PNPO: variants seen among roughly 807,000 people sequenced by gnomAD.
The protein encoded by PNPO is pyridoxamine 5'-phosphate oxidase.
In PNPO, 39 loss-of-function variants were observed where a neutral mutation model predicts 35.0. The ratio of observed to expected loss-of-function variants is 1.11; its 90% CI spans 0.86 to 1.45. The LOEUF (loss-of-function observed/expected upper bound fraction) is 1.45. Ranked by LOEUF, PNPO falls within the 40% of genes most tolerant of loss-of-function variation. PNPO has a pLI of 0.00. For synonymous variants in PNPO, 115 were observed against 119.8 expected (o/e 0.96, Z 0.26); for missense variants, 288 against 340.0 (o/e 0.85, Z 1.20).
In PNPO at chr17:47,945,310, C is replaced by T. The variant is rs1362588278; in HGVS notation, c.364-249C>T. 3 of 520,662 alleles carry T rather than the reference C, an allele frequency of 5.8e-6. No individual in the cohort carries two copies. The highest frequency in any genetic ancestry group is 1.9e-5 in the African/African-American group (1 of 51,972). 32.3% of individuals were successfully genotyped at this position (520,662 alleles called of 1,614,324 possible). ...ACAAATCTGTGGGTGAGAGAAATCACCCAGTCTCACTTTGGAGTCCGACTG... is the reference window on the plus strand; with the variant it reads ...ACAAATCTGTGGGTGAGAGAAATCATCCAGTCTCACTTTGGAGTCCGACTG... On this transcript the variant is annotated intron_variant, in intron 3 of 6. Coordinates refer to ENST00000642017, the MANE Select transcript of PNPO (RefSeq NM_018129.4). The surrounding 1 kb of genome is among the most constrained non-coding windows in gnomAD (Gnocchi z 4.0).
Position 47,945,756 on chromosome 17 carries a change from C to G in PNPO, c.418-105C>G. On this transcript the variant is annotated intron_variant, in intron 4 of 6. Coordinates refer to ENST00000642017, the MANE Select transcript of PNPO (RefSeq NM_018129.4). The surrounding 1 kb of genome is among the most constrained non-coding windows in gnomAD (Gnocchi z 4.0). ...TAAAATAGCCCTCAGTTAGTTGGAG[C>G]CAAGAGTGGTGGGGCAGCCGATCGA... 6.6e-7 allele frequency: 1 copy of G among 1,509,596 alleles called. No individual in the cohort carries two copies. The highest frequency in any genetic ancestry group is 9.1e-7 in the Non-Finnish European group (1 of 1,095,344). 93.5% of individuals were successfully genotyped at this position (1,509,596 alleles called of 1,614,324 possible). A position where few individuals can be genotyped will look rare whatever the true frequency, so the allele number is the denominator to read the frequency against.
Position 47,945,991 on chromosome 17 carries a change from T to G in PNPO, c.546+2T>G. 1 of 1,613,480 alleles carries G rather than the reference T, an allele frequency of 6.2e-7. No individual in the cohort carries two copies. Among genetic ancestry groups the G allele is most frequent in the Non-Finnish European group, 8.5e-7 (1 of 1,179,974 alleles). On this transcript the variant is annotated splice_donor_variant, in intron 5 of 6. Transcript: ENST00000642017. LOFTEE classifies it high-confidence loss of function. The surrounding 1 kb of genome is among the most constrained non-coding windows in gnomAD (Gnocchi z 4.0). ...AGTTCTGTGATCCCTGATCGGGAGGTGAGTGGAGCTCCGCTGTAGTCCTCC... is the reference window on the plus strand; with the variant it reads ...AGTTCTGTGATCCCTGATCGGGAGGGGAGTGGAGCTCCGCTGTAGTCCTCC...
At chr17:47,943,579 C>G in intron 2 of PNPO, 149 bp downstream of exon 2, 1 of 949,562 alleles carries the variant, frequency 1.1e-6, no homozygotes, top group Non-Finnish European at 1.6e-6. Flanking sequence ...CTCTCTGGGC[C>G]TGTGTCCTTA....
chr17:47,946,231 C>T (rs2036006786), intron 5 of PNPO, 92 bp from the exon 6 acceptor site: 2 of 1,117,550 alleles, frequency 1.8e-6, no homozygotes, highest in Admixed American at 3.4e-5. Flanking sequence ...CTGCTCTGCT[C>T]ACCCATGTCC....
intron 2 of PNPO, 35 bp downstream of exon 2, chr17:47,943,465 A>G: frequency 6.2e-7 from 1 of 1,610,824 alleles, no homozygotes; most frequent in African/African-American, 1.3e-5. Flanking sequence ...TTGGGTGGAT[A>G]CATATGAACT....
At chr17:47,942,023 T>G (rs1246252497) in intron 1 of PNPO, 3 of 1,335,118 alleles carry the variant, frequency 2.2e-6, no homozygotes, top group Admixed American at 3.3e-5. Context: ...CAAATGAAGA[T>G]GGGTTCAAAA....
chr17:47,948,488 A>T lies in PNPO; in HGVS notation c.*1706A>T, dbSNP rs2036037247. On this transcript the variant is annotated 3_prime_UTR_variant, in exon 7 of 7. Coordinates refer to ENST00000642017, the MANE Select transcript of PNPO (RefSeq NM_018129.4). ...TATGAATGCAGCCTGGGCACTGGGA[A>T]ATTTAAAAACTCCCCAGATAATTCT... is the stretch of plus-strand genomic sequence containing the variant. 1 of 152,192 alleles carries T rather than the reference A, an allele frequency of 6.6e-6. No individual in the cohort carries two copies. The highest frequency in any genetic ancestry group is 1.5e-5 in the Non-Finnish European group (1 of 68,044). The allele number at this position is 152,192 out of a possible 1,614,324, so 9.4% of individuals were successfully genotyped here.
Position 47,941,708 on chromosome 17 carries a change from G to A in PNPO, c.33G>A (p.Thr11=). 1 of 1,542,436 alleles carries A rather than the reference G, an allele frequency of 6.5e-7. No homozygotes were observed. The highest frequency in any genetic ancestry group is 1.2e-5 in the South Asian group (1 of 83,808). Residue 11 remains threonine (T), a synonymous_variant, in exon 1 of 7, where the codon ACG becomes ACA. Coordinates refer to ENST00000642017, the MANE Select transcript of PNPO (RefSeq NM_018129.4). The part of the protein sequence containing the change: MTCWLRGVTA[T]FGRPAEWPGY... ...GCTGGCTGCGGGGCGTCACGGCGAC[G>A]TTCGGGCGACCTGCCGAGTGGCCAG...
Position 47,946,819 on chromosome 17 carries a change from A to G in PNPO, c.*37A>G. 6.3e-7 allele frequency: 1 copy of G among 1,599,928 alleles called. No homozygotes were observed. Among genetic ancestry groups the G allele is most frequent in the Admixed American group, 1.7e-5 (1 of 59,994 alleles). On this transcript the variant is annotated 3_prime_UTR_variant, in exon 7 of 7. Coordinates refer to ENST00000642017, the MANE Select transcript of PNPO (RefSeq NM_018129.4). Reference sequence around the variant, plus strand: ...GCTGGCCCAGAGTGGAGCTAGGGCTAGGTGTCAAGAGAGGGTGTGGGATTG... The same window carrying G: ...GCTGGCCCAGAGTGGAGCTAGGGCTGGGTGTCAAGAGAGGGTGTGGGATTG...
Position 47,946,803 on chromosome 17 carries a change from G to A in PNPO, c.*21G>A, listed in dbSNP as rs2036017575. ...CTTAACTCTGGGACCTGCTGGCCCA[G>A]AGTGGAGCTAGGGCTAGGTGTCAAG... On this transcript the variant is annotated 3_prime_UTR_variant, in exon 7 of 7. Coordinates refer to ENST00000642017, the MANE Select transcript of PNPO (RefSeq NM_018129.4). The A allele has an allele frequency of 6.2e-7, 1 of 1,612,350 alleles. No homozygotes were observed. Among genetic ancestry groups the A allele is most frequent in the Non-Finnish European group, 8.5e-7 (1 of 1,179,056 alleles).
intron 5 of PNPO, 153 bp from the exon 6 acceptor site, chr17:47,946,170 C>A: frequency 1.0e-6 from 1 of 1,002,610 alleles, no homozygotes; most frequent in Non-Finnish European, 1.5e-6. Flanking sequence ...AATAGGCCTC[C>A]TCTGTCCATC....
In PNPO at chr17:47,948,790, A is replaced by G. The variant is rs1986693; in HGVS notation, c.*2008A>G. On this transcript the variant is annotated 3_prime_UTR_variant, in exon 7 of 7. Transcript: ENST00000642017. The stretch of plus-strand genomic sequence containing the variant: ...TGTTCTCCTTGAGCACATGCCCGCT[A>G]ACCAGGGACAGACTGGATGAGCAAG... The G allele has an allele frequency of 0.76, 115,252 of 152,200 alleles. 44,477 individuals are homozygous for G. The highest frequency in any genetic ancestry group is 1 in the East Asian group (5,170 of 5,186). 9.4% of individuals were successfully genotyped at this position (152,200 alleles called of 1,614,324 possible).
chr17:47,946,453 C>A, intron 6 of PNPO, 60 bp downstream of exon 6: 1 of 1,429,524 alleles, frequency 7.0e-7, no homozygotes, highest in Non-Finnish European at 9.9e-7. Context: ...TTACTTGAAG[C>A]CACCTGCCTG....
Position 47,945,357 on chromosome 17 carries a change from T to C in PNPO, c.364-202T>C, listed in dbSNP as rs1407079234. On this transcript the variant is annotated intron_variant, in intron 3 of 6. Coordinates refer to ENST00000642017, the MANE Select transcript of PNPO (RefSeq NM_018129.4). The surrounding 1 kb of genome is among the most constrained non-coding windows in gnomAD (Gnocchi z 4.0). ...ACTGGCTTAAACTTAGCTCCACCACTTCCTGCAGGAACTTGGGCACGTGAC... is the reference window on the plus strand; with the variant it reads ...ACTGGCTTAAACTTAGCTCCACCACCTCCTGCAGGAACTTGGGCACGTGAC... The C allele has an allele frequency of 1.7e-6, 1 of 593,562 alleles. No homozygotes were observed. The highest frequency in any genetic ancestry group is 1.8e-5 in the African/African-American group (1 of 54,262). The allele number at this position is 593,562 out of a possible 1,614,324, so 36.8% of individuals were successfully genotyped here. A position where few individuals can be genotyped will look rare whatever the true frequency, so the allele number is the denominator to read the frequency against.
In PNPO at chr17:47,948,504, A is replaced by G. The variant is rs1468178752; in HGVS notation, c.*1722A>G. On this transcript the variant is annotated 3_prime_UTR_variant, in exon 7 of 7. Coordinates refer to ENST00000642017, the MANE Select transcript of PNPO (RefSeq NM_018129.4). Reference sequence around the variant, plus strand: ...GCACTGGGAAATTTAAAAACTCCCCAGATAATTCTGTGCAGCCAAGGTTGA... The same window carrying G: ...GCACTGGGAAATTTAAAAACTCCCCGGATAATTCTGTGCAGCCAAGGTTGA... The G allele has an allele frequency of 6.6e-6, 1 of 152,244 alleles. No homozygotes were observed. Among genetic ancestry groups the G allele is most frequent in the Non-Finnish European group, 1.5e-5 (1 of 68,050 alleles). The allele number at this position is 152,244 out of a possible 1,614,324, so 9.4% of individuals were successfully genotyped here.
At chr17:47,942,633 C>T (rs1438829393) in intron 1 of PNPO, among the ~76,000 whole-genome samples, 2 of 152,174 alleles carry the variant, frequency 1.3e-5, no homozygotes, top group African/African-American at 4.8e-5. Flanking sequence ...GGAGGGGAAC[C>T]AAGAGAACCT....
intron 5 of PNPO, 141 bp downstream of exon 5, chr17:47,946,130 A>G: frequency 8.2e-7 from 1 of 1,224,314 alleles, no homozygotes; most frequent in Non-Finnish European, 1.2e-6. Flanking sequence ...AAGGACAGTG[A>G]GAAGGGAAAG....
rs938513783 is a variant in PNPO at position 47,946,188 on chromosome 17, C to A, written c.547-135C>A. 1.4e-5 allele frequency: 14 copies of A among 988,294 alleles called. No homozygotes were observed. The African/African-American group carries it at 1.4e-4, about 10-fold the overall frequency. The allele number at this position is 988,294 out of a possible 1,614,324, so 61.2% of individuals were successfully genotyped here. A position where few individuals can be genotyped will look rare whatever the true frequency, so the allele number is the denominator to read the frequency against. ...AGGCCTCCTCTGTCCATCTGGCCAT[C>A]CTGTTGACTGCTCCTGGAGGACAGA... On this transcript the variant is annotated intron_variant, in intron 5 of 6. Transcript: ENST00000642017.
chr17:47,944,225 G>GTGTGTGTGTGTGTGTGTT (rs2035979794), intron 2 of PNPO, among the ~76,000 whole-genome samples: 1 of 147,804 alleles, frequency 6.8e-6, no homozygotes, highest in Non-Finnish European at 1.5e-5. Context: ...GTGTGTGTGT[G>GTGTGTGTGTGTGTGTGTT]TGTGTGTGTG....
Sources: gnomAD v4.1 joint callset for allele counts (sites outside exome capture counted in the v4.1 genomes callset) on GRCh38, gnomAD v4.1.1 for gene constraint, Gnocchi (gnomAD v3.1) non-coding constraint, MANE v1.5 for transcripts, NCBI Gene and HGNC (gene_info 2026-07-23, HGNC 2026-07-21) for gene names.